HIVEP2: variants seen among roughly 807,000 people sequenced by gnomAD.
The protein encoded by HIVEP2 is HIVEP zinc finger 2.
Under a neutral mutation model 180.7 loss-of-function variants are expected in HIVEP2, and 14 were observed. The observed-to-expected ratio is 0.08, with a 90% CI of 0.05 to 0.12. HIVEP2 has a LOEUF of 0.12. Among genes scored for constraint, HIVEP2 ranks in the 10% least tolerant of loss-of-function variants. The pLI is 1.00. For missense variants in HIVEP2, 2,579 were observed against 3,008.5 expected (o/e 0.86, Z 3.34); for synonymous variants, 1,184 against 1,136.4 (o/e 1.04, Z -0.84).
intron 1 of HIVEP2, among the ~76,000 whole-genome samples, chr6:142,873,029 T>A (rs1776333077): frequency 1.1e-4 from 16 of 152,188 alleles, no homozygotes; most frequent in Admixed American, 1.0e-3. Flanking sequence ...ATAACAGCAA[T>A]ATTCCCCTCA....
Position 142,922,908 on chromosome 6 carries a change from T to A in HIVEP2, c.-641+22191A>T, listed in dbSNP as rs147054501. Among the ~76,000 whole-genome samples, 4 of 152,350 alleles carry A rather than the reference T, an allele frequency of 2.6e-5. No individual in the cohort carries two copies. The East Asian group carries it at 5.8e-4, about 22-fold the overall frequency. ...TAGTATTTATATGAACATGTATTCA[T>A]GTAAACACATAGTACTCTCCAGAAA... is the stretch of plus-strand genomic sequence containing the variant. On this transcript the variant is annotated intron_variant, in intron 1 of 9. Transcript: ENST00000367603.
At chr6:142,765,865 A>G (rs1264114663) in intron 6 of HIVEP2, among the ~76,000 whole-genome samples, 1 of 152,210 alleles carries the variant, frequency 6.6e-6, no homozygotes, top group East Asian at 1.9e-4. Flanking sequence ...ATATAGTAGT[A>G]GTATACGGAC....
At chr6:142,856,632 A>C (rs1397507675) in intron 1 of HIVEP2, among the ~76,000 whole-genome samples, 1 of 152,260 alleles carries the variant, frequency 6.6e-6, no homozygotes, top group Non-Finnish European at 1.5e-5. Context: ...GATAACTGTA[A>C]AGTCTGATAC....
intron 1 of HIVEP2, among the ~76,000 whole-genome samples, chr6:142,876,036 G>A (rs1776426759): frequency 6.6e-6 from 1 of 152,182 alleles, no homozygotes. Flanking sequence ...CTTAGGGGCA[G>A]CCTAGCAAAT....
At position 142,760,309 on chromosome 6, in the gene HIVEP2, G is replaced by A. The variant is rs778100584; in HGVS notation, c.5979C>T (p.Thr1993=). Residue 1993 remains threonine (T), a synonymous_variant, in exon 9 of 10, where the codon ACC becomes ACT. Transcript: ENST00000367603. ...LMTPSDSCED[T]QMTEYQRLFQ... ...ATAGCCTCTGGTATTCTGTCATCTG[G>A]GTATCTTCACATGAATCACTGGGTG... The A allele has an allele frequency of 3.8e-5, 62 of 1,613,880 alleles. No homozygotes were observed. The highest frequency in any genetic ancestry group is 5.0e-5 in the Non-Finnish European group (59 of 1,179,872).
rs569177443 is a variant in HIVEP2 at position 142,779,899 on chromosome 6, G to GA, written c.-433+3621dup. ...GCTACCAGAGAATACACCAGAAGTTGAAAAAAAGTGACTTACACAAAATTC... is the reference window on the plus strand; with the variant it reads ...GCTACCAGAGAATACACCAGAAGTTGAAAAAAAAGTGACTTACACAAAATTC... On this transcript the variant is annotated intron_variant, in intron 3 of 9. Coordinates refer to ENST00000367603, the MANE Select transcript of HIVEP2 (RefSeq NM_006734.4). 5.3e-4 allele frequency among the ~76,000 whole-genome samples: 80 copies of GA among 152,016 alleles called. 1 individual carries two copies. Among genetic ancestry groups the GA allele is most frequent in the African/African-American group, 1.8e-3 (75 of 41,494 alleles).
intron 1 of HIVEP2, among the ~76,000 whole-genome samples, chr6:142,882,521 G>A (rs1272624366): frequency 6.6e-6 from 1 of 151,902 alleles, no homozygotes; most frequent in Non-Finnish European, 1.5e-5. Context: ...GGCTGAGGCA[G>A]GAGGATCATT....
In HIVEP2 at chr6:142,768,362, T is replaced by C; in HGVS notation, c.5342+20A>G. ...CTGACCTATAACTGCACATTTTACA[T>C]TTGCACTTTGTTTCCTTACCCTCCT... is the stretch of plus-strand genomic sequence containing the variant. On this transcript the variant is annotated intron_variant, in intron 6 of 9. Coordinates refer to ENST00000367603, the MANE Select transcript of HIVEP2 (RefSeq NM_006734.4). 6.2e-7 allele frequency: 1 copy of C among 1,606,170 alleles called. No individual in the cohort carries two copies. Among genetic ancestry groups the C allele is most frequent in the Non-Finnish European group, 8.5e-7 (1 of 1,176,758 alleles).
chr6:142,829,783 A>G (rs1337763367), intron 2 of HIVEP2, among the ~76,000 whole-genome samples: 1 of 152,218 alleles, frequency 6.6e-6, no homozygotes, highest in Non-Finnish European at 1.5e-5. Context: ...GGCATCTGTG[A>G]TGATTGGTGT....
intron 6 of HIVEP2, among the ~76,000 whole-genome samples, chr6:142,767,683 A>G (rs1184936696): frequency 6.6e-6 from 1 of 152,236 alleles, no homozygotes; most frequent in African/African-American, 2.4e-5. Flanking sequence ...CATTTCTATC[A>G]AAATCTAAAA....
chr6:142,756,284 GAGA>G (rs1775066823), intron 9 of HIVEP2, among the ~76,000 whole-genome samples: 1 of 152,162 alleles, frequency 6.6e-6, no homozygotes, highest in Non-Finnish European at 1.5e-5. Context: ...GCAGGGAGCA[GAGA>G]AGGAGAAGTG....
rs1281077569 is a variant in HIVEP2, at chr6:142,912,243, C to T, written c.-641+32856G>A. Among the ~76,000 whole-genome samples the T allele has an allele frequency of 2.6e-5, 4 of 152,240 alleles. No individual in the cohort carries two copies. The East Asian group carries it at 7.7e-4, about 29-fold the overall frequency. On this transcript the variant is annotated intron_variant, in intron 1 of 9. Transcript: ENST00000367603. ...TGGCCAATGCAGTTCAATTGGAGAG[C>T]ACTGCTCCAGAGTGTCAGTCTTTCT...
chr6:142,812,193 A>G (rs1776716698), intron 2 of HIVEP2, among the ~76,000 whole-genome samples: 1 of 152,238 alleles, frequency 6.6e-6, no homozygotes, highest in African/African-American at 2.4e-5. Context: ...AGCGAAATCC[A>G]AAGAGCTGTG....
intron 1 of HIVEP2, among the ~76,000 whole-genome samples, chr6:142,942,619 A>G (rs1211838090): frequency 6.6e-6 from 1 of 152,208 alleles, no homozygotes; most frequent in Non-Finnish European, 1.5e-5. Flanking sequence ...TCCATGTTAA[A>G]TAGGAATATA....
intron 2 of HIVEP2, among the ~76,000 whole-genome samples, chr6:142,802,714 C>A (rs1271779397): frequency 2.0e-5 from 3 of 152,122 alleles, no homozygotes; most frequent in African/African-American, 7.2e-5. Context: ...AAAAGAATCA[C>A]TCCCTAATAA....
Position 142,773,284 on chromosome 6 carries a change from G to A in HIVEP2, c.1455C>T (p.Val485=), listed in dbSNP as rs202218400. Residue 485 remains valine, a synonymous_variant, in exon 5 of 10, where the codon GTC becomes GTT. Transcript: ENST00000367603. ...TCAGCATGCTCGTTTGACTGGGGTC[G>A]ACATCTCCCTTGCTTGGGATCAGCT... is the stretch of plus-strand genomic sequence containing the variant. ...VSQLIPSKGD[V]DPSQTSMLKS... is the part of the protein sequence containing the mutation. 23 of 1,614,022 alleles carry A rather than the reference G, an allele frequency of 1.4e-5. No homozygotes were observed. Among genetic ancestry groups the A allele is most frequent in the East Asian group, 4.5e-5 (2 of 44,880 alleles).
intron 1 of HIVEP2, among the ~76,000 whole-genome samples, chr6:142,850,219 C>A (rs1230227645): frequency 1.3e-5 from 2 of 151,996 alleles, no homozygotes; most frequent in Non-Finnish European, 2.9e-5. Context: ...AGTTGAGAGA[C>A]CTTTAACAGC....
rs1187328950 is a variant in HIVEP2, at chr6:142,945,093, C to A, written c.-641+6G>T. The A allele has an allele frequency of 6.8e-6, 1 of 147,270 alleles. No individual in the cohort carries two copies. Among genetic ancestry groups the A allele is most frequent in the African/African-American group, 2.4e-5 (1 of 40,944 alleles). 9.1% of individuals were successfully genotyped at this position (147,270 alleles called of 1,614,324 possible). ...CGCCGCGCGCCGCGGCCCCCTCCCC[C>A]GCTACCTGACAACGGGCCGCCGCCG... On this transcript the variant is annotated splice_donor_region_variant and intron_variant, in intron 1 of 9. Transcript: ENST00000367603. This position sits in a 1 kb window ranked among gnomAD's most constrained non-coding sequence, Gnocchi z 5.5.
intron 7 of HIVEP2, among the ~76,000 whole-genome samples, chr6:142,763,761 C>T (rs2114624393): frequency 6.6e-6 from 1 of 152,184 alleles, no homozygotes; most frequent in African/African-American, 2.4e-5. Context: ...TTTAAAAGGC[C>T]ATATGATTAT....
Sources: gnomAD v4.1 joint callset for allele counts (sites outside exome capture counted in the v4.1 genomes callset) on GRCh38, gnomAD v4.1.1 for gene constraint, Gnocchi (gnomAD v3.1) non-coding constraint, MANE v1.5 for transcripts, NCBI Gene and HGNC (gene_info 2026-07-23, HGNC 2026-07-21) for gene names.